WASHC4: variants seen among roughly 807,000 people sequenced by gnomAD.
WASHC4 encodes the protein WASH complex subunit 7.
A neutral mutation model predicts 166.6 loss-of-function variants in WASHC4; 86 were observed. The ratio of observed to expected loss-of-function variants is 0.52; its 90% CI spans 0.43 to 0.62. The LOEUF (loss-of-function observed/expected upper bound fraction) is 0.62. Ranked by LOEUF, WASHC4 falls within the 20% of genes least tolerant of loss-of-function variation. The pLI is 0.00. For missense variants in WASHC4, 1,262 were observed against 1,382.4 expected (o/e 0.91, Z 1.38); for synonymous variants, 446 against 451.6 (o/e 0.99, Z 0.16).
At chr12:105,133,554 C>T (rs1481556951) in intron 13 of WASHC4, among the ~76,000 whole-genome samples, 1 of 152,106 alleles carries the variant, frequency 6.6e-6, no homozygotes, top group African/African-American at 2.4e-5. Context: ...ATTTTATTTA[C>T]TGCTGATTTC....
At chr12:105,115,808 C>T in intron 6 of WASHC4, 80 bp downstream of exon 6, 1 of 851,770 alleles carries the variant, frequency 1.2e-6, no homozygotes, top group Non-Finnish European at 2.0e-6. Flanking sequence ...AGTTCTGAAA[C>T]CTTCAAATAC....
intron 15 of WASHC4, among the ~76,000 whole-genome samples, chr12:105,138,436 C>T (rs1000574035): frequency 6.6e-6 from 1 of 150,934 alleles, no homozygotes; most frequent in Admixed American, 6.6e-5. Flanking sequence ...TAACATAAGG[C>T]TATTTATTTT....
intron 9 of WASHC4, among the ~76,000 whole-genome samples, chr12:105,121,599 C>T (rs1880753482): frequency 6.6e-6 from 1 of 152,186 alleles, no homozygotes; most frequent in African/African-American, 2.4e-5. Context: ...CTTCTGCCTC[C>T]TGGGTTCAAG....
intron 27 of WASHC4, 45 bp from the exon 28 acceptor site, chr12:105,157,191 A>G (rs1884220356): frequency 2.1e-6 from 2 of 962,268 alleles, no homozygotes; most frequent in South Asian, 1.3e-5. Context: ...TCAATTGCAC[A>G]TATTTTACTT....
intron 13 of WASHC4, among the ~76,000 whole-genome samples, chr12:105,128,222 G>C (rs748728838): frequency 6.6e-6 from 1 of 152,154 alleles, no homozygotes; most frequent in Non-Finnish European, 1.5e-5. Context: ...GATTAAAGTG[G>C]AAAACTACAA....
chr12:105,121,083 T>C lies in WASHC4; in HGVS notation c.562-18T>C. The C allele has an allele frequency of 6.4e-7, 1 of 1,561,234 alleles. No individual in the cohort carries two copies. Among genetic ancestry groups the C allele is most frequent in the Non-Finnish European group, 8.8e-7 (1 of 1,132,514 alleles). On this transcript the variant is annotated intron_variant, in intron 8 of 32. Transcript: ENST00000332180. The stretch of plus-strand genomic sequence containing the variant: ...CTAACTAGTGACTAAATGATAATCA[T>C]TAAAGGTTTTTTGACAGACTATGTA...
At chr12:105,136,248 T>C (rs1882306533) in intron 14 of WASHC4, among the ~76,000 whole-genome samples, 2 of 152,116 alleles carry the variant, frequency 1.3e-5, no homozygotes, top group Admixed American at 6.6e-5. Flanking sequence ...CCCTGTGAGA[T>C]GTTGTTGAAA....
intron 1 of WASHC4, among the ~76,000 whole-genome samples, chr12:105,108,193 T>A (rs1368163103): frequency 6.6e-6 from 1 of 152,196 alleles, no homozygotes. Context: ...GGCCCCGGGA[T>A]CCCAGGCTGC....
intron 24 of WASHC4, chr12:105,148,519 A>G: frequency 2.5e-5 from 25 of 985,436 alleles, no homozygotes; most frequent in Non-Finnish European, 3.0e-5. Context: ...TGAAATGAGC[A>G]TAGAAGGATA....
chr12:105,156,024 A>G (rs1213763374), intron 26 of WASHC4, among the ~76,000 whole-genome samples: 1 of 152,188 alleles, frequency 6.6e-6, no homozygotes, highest in Non-Finnish European at 1.5e-5. Context: ...ATAGGAGGAT[A>G]TCTATGAAGG....
intron 21 of WASHC4, 120 bp from the exon 22 acceptor site, chr12:105,144,597 TA>T (rs2135801664): frequency 8.7e-7 from 1 of 1,149,268 alleles, no homozygotes; most frequent in Admixed American, 2.4e-5. Flanking sequence ...TCATTTTTAT[TA>T]ATACCTTATT....
At chr12:105,160,480 G>T (rs1196877) in intron 29 of WASHC4, among the ~76,000 whole-genome samples, 3 of 151,784 alleles carry the variant, frequency 2.0e-5, no homozygotes, top group African/African-American at 7.3e-5. Flanking sequence ...CCTAGTAGCT[G>T]GGACTACAGG....
intron 1 of WASHC4, among the ~76,000 whole-genome samples, chr12:105,110,653 A>G (rs937575634): frequency 5.3e-5 from 8 of 152,234 alleles, no homozygotes; most frequent in African/African-American, 1.7e-4. Flanking sequence ...AAAAATATTT[A>G]GGTGTATTAT....
chr12:105,147,780 C>T, intron 24 of WASHC4: 1 of 381,074 alleles, frequency 2.6e-6, no homozygotes, highest in Non-Finnish European at 3.6e-6. Flanking sequence ...TGGCGGGCGC[C>T]TGTAATCCCA....
At chr12:105,151,523 C>G (rs1196465732) in intron 25 of WASHC4, among the ~76,000 whole-genome samples, 1 of 151,826 alleles carries the variant, frequency 6.6e-6, no homozygotes, top group Non-Finnish European at 1.5e-5. Context: ...GCTCTGTCTC[C>G]CAGGCTGGAG....
At chr12:105,108,104 G>A (rs1182289127) in intron 1 of WASHC4, among the ~76,000 whole-genome samples, 1 of 152,316 alleles carries the variant, frequency 6.6e-6, no homozygotes, top group East Asian at 1.9e-4. Flanking sequence ...CTCCTGGGGA[G>A]CCTGCGGTGC....
chr12:105,133,190 C>T (rs1362912923), intron 13 of WASHC4, among the ~76,000 whole-genome samples: 1 of 152,160 alleles, frequency 6.6e-6, no homozygotes, highest in Non-Finnish European at 1.5e-5. Context: ...AATCCCTGCT[C>T]ACAGTGCTTC....
intron 10 of WASHC4, among the ~76,000 whole-genome samples, chr12:105,124,566 C>T (rs1254316259): frequency 4.0e-5 from 6 of 151,074 alleles, no homozygotes; most frequent in East Asian, 2.0e-4. Flanking sequence ...CTGCAACCTC[C>T]GCCTCCTGGG....
At chr12:105,109,731 C>T (rs576504875) in intron 1 of WASHC4, among the ~76,000 whole-genome samples, 17 of 150,600 alleles carry the variant, frequency 1.1e-4, no homozygotes, top group African/African-American at 4.1e-4. Context: ...ACTGCAGCCT[C>T]GACCAGCTGA....
Sources: allele counts gnomAD v4.1 joint callset (sites outside exome capture counted in the v4.1 genomes callset), GRCh38; gene constraint gnomAD v4.1.1; transcripts MANE v1.5; gene names NCBI Gene and HGNC (gene_info 2026-07-23, HGNC 2026-07-21).